Variants in NUP98 observed in about 807,000 individuals in gnomAD.
NUP98 encodes the protein nuclear pore complex protein Nup98-Nup96.
Under a neutral mutation model 191.9 loss-of-function variants are expected in NUP98, and 26 were observed. That is an observed-to-expected ratio of 0.14 (90% CI 0.10 to 0.19). The LOEUF (loss-of-function observed/expected upper bound fraction) is 0.19. NUP98 is among the 10% of genes least tolerant of loss of function. NUP98 has a pLI of 1.00. For missense variants in NUP98, 1,941 were observed against 2,178.8 expected (o/e 0.89, Z 2.17); for synonymous variants, 808 against 778.4 (o/e 1.04, Z -0.63).
At chr11:3,760,112 CAAAAA>C (rs67500611) in intron 10 of NUP98, 32 of 121,336 alleles carry the variant, frequency 2.6e-4, no homozygotes, top group South Asian at 4.4e-4. Flanking sequence ...TGTTCTCCAC[CAAAAA>C]AAAAAAAAAA....
intron 24 of NUP98, among the ~76,000 whole-genome samples, chr11:3,700,056 T>C (rs2078627442): frequency 6.6e-6 from 1 of 151,914 alleles, no homozygotes; most frequent in Non-Finnish European, 1.5e-5. Flanking sequence ...ATGGATAGGA[T>C]TTAGAAAAGC....
chr11:3,751,151 G>A (rs1354041585), intron 11 of NUP98, among the ~76,000 whole-genome samples: 1 of 152,138 alleles, frequency 6.6e-6, no homozygotes, highest in African/African-American at 2.4e-5. Flanking sequence ...CTGAGGTCAG[G>A]GGTTTGAGAC....
At chr11:3,791,546 A>G (rs2082350447) in intron 1 of NUP98, among the ~76,000 whole-genome samples, 1 of 146,094 alleles carries the variant, frequency 6.8e-6, no homozygotes, top group African/African-American at 2.5e-5. Flanking sequence ...AAAAAAAAAA[A>G]AAAAAAAAAA....
chr11:3,784,286 A>G (rs900024527), intron 1 of NUP98, among the ~76,000 whole-genome samples: 1 of 152,212 alleles, frequency 6.6e-6, no homozygotes, highest in African/African-American at 2.4e-5. Context: ...CCTTAAATAA[A>G]TGCTTTACAG....
Position 3,702,675 on chromosome 11 carries a change from T to C in NUP98, c.3300A>G (p.Leu1100=), listed in dbSNP as rs2078745881. ...AGGTGACAGACTTTTCACGAGGGAC[T>C]AGGCCTAGTTGCCTACGTGTACCCA... is the stretch of plus-strand genomic sequence containing the variant. ...KTVGTRRQLG[L]VPREKSVTYG... Residue 1100 remains leucine, a synonymous_variant, in exon 23 of 33, where the codon CTA becomes CTG. Coordinates refer to ENST00000324932, the MANE Select transcript of NUP98 (RefSeq NM_016320.5). 6.2e-7 allele frequency: 1 copy of C among 1,614,076 alleles called. No homozygotes were observed. Among genetic ancestry groups the C allele is most frequent in the East Asian group, 2.2e-5 (1 of 44,900 alleles).
chr11:3,675,076 T>A lies in NUP98; in HGVS notation c.*1083A>T, dbSNP rs908419108. ...GTAGCTTCAGAAAAAGAGGAAAATA[T>A]CTAGATCATTTATTTATACATATAT... On this transcript the variant is annotated 3_prime_UTR_variant, in exon 33 of 33. Coordinates refer to ENST00000324932, the MANE Select transcript of NUP98 (RefSeq NM_016320.5). The A allele has an allele frequency of 5.0e-4, 89 of 177,986 alleles. 1 individual carries two copies. The highest frequency in any genetic ancestry group is 2.0e-3 in the African/African-American group (84 of 42,354). The allele number at this position is 177,986 out of a possible 1,614,324, so 11.0% of individuals were successfully genotyped here. A position where few individuals can be genotyped will look rare whatever the true frequency, so the allele number is the denominator to read the frequency against.
intron 17 of NUP98, among the ~76,000 whole-genome samples, 162 bp from the exon 18 acceptor site, chr11:3,719,712 GAGT>G (rs1373905281): frequency 3.1e-5 from 1 of 31,910 alleles, no homozygotes; most frequent in Non-Finnish European, 6.0e-5. Context: ...GACTTAGGGA[GAGT>G]AACTTCAATT....
intron 18 of NUP98, among the ~76,000 whole-genome samples, chr11:3,719,057 T>A (rs571392329): frequency 6.6e-6 from 1 of 151,376 alleles, no homozygotes; most frequent in Non-Finnish European, 1.5e-5. Flanking sequence ...GAGTCGGAGG[T>A]TGCAGTGAAC....
intron 8 of NUP98, among the ~76,000 whole-genome samples, chr11:3,764,695 C>T (rs748264495): frequency 1.3e-5 from 2 of 152,214 alleles, no homozygotes; most frequent in African/African-American, 2.4e-5. Flanking sequence ...TCTCCTGCCT[C>T]AGCCCCCTGA....
chr11:3,768,592 T>C lies in NUP98; in HGVS notation c.937A>G (p.Thr313Ala), dbSNP rs760587577. The C allele has an allele frequency of 4.4e-6, 7 of 1,591,040 alleles. No homozygotes were observed. The highest frequency in any genetic ancestry group is 6.0e-6 in the Non-Finnish European group (7 of 1,169,634). Reference sequence around the variant, plus strand: ...GTCTGTTTCCTTACCATGGTGTTGGTGCTTGGCTGTCCTATGGTGCTGGTA... The same window carrying C: ...GTCTGTTTCCTTACCATGGTGTTGGCGCTTGGCTGTCCTATGGTGCTGGTA... ...GNTSTIGQPS[T>A]NTMGLFGVTQ... The change falls in exon 8 of 33, where the codon ACC becomes GCC. Residue 313 changes from threonine (T) to alanine (A), a missense_variant. Around this residue, in one of 6 missense-constraint regions of NUP98, gnomAD observed 181 missense variants for 228.0 expected, o/e 0.79. Transcript: ENST00000324932.
chr11:3,698,334 T>C (rs1589979771), intron 25 of NUP98, among the ~76,000 whole-genome samples: 1 of 152,192 alleles, frequency 6.6e-6, no homozygotes. Flanking sequence ...GTGATTTTGA[T>C]TGATAGCTTA....
chr11:3,795,819 T>C (rs1309633325), intron 1 of NUP98, among the ~76,000 whole-genome samples: 1 of 152,170 alleles, frequency 6.6e-6, no homozygotes, highest in Non-Finnish European at 1.5e-5. Flanking sequence ...ACGGAAAACA[T>C]ACCCTGTTCA....
intron 22 of NUP98, among the ~76,000 whole-genome samples, chr11:3,703,112 TACA>T (rs2078760150): frequency 2.0e-5 from 3 of 152,174 alleles, no homozygotes; most frequent in South Asian, 4.1e-4. Context: ...TGATGATATC[TACA>T]ACAATAATAA....
intron 19 of NUP98, 99 bp downstream of exon 19, chr11:3,713,719 A>C: frequency 8.7e-7 from 1 of 1,143,954 alleles, no homozygotes; most frequent in Non-Finnish European, 1.2e-6. Context: ...AACCCCATCA[A>C]TCAATCAATA....
chr11:3,698,922 T>G, intron 25 of NUP98, 160 bp downstream of exon 25: 1 of 760,924 alleles, frequency 1.3e-6, no homozygotes, highest in Non-Finnish European at 2.2e-6. Context: ...TTTTATGTTA[T>G]ATTACATATT....
At chr11:3,760,758 A>G (rs2134506922) in intron 9 of NUP98, 132 bp from the exon 10 acceptor site, 1 of 632,484 alleles carries the variant, frequency 1.6e-6, no homozygotes, top group Non-Finnish European at 2.6e-6. Flanking sequence ...TAAAAAAGGT[A>G]GAAAAAAGAT....
intron 5 of NUP98, among the ~76,000 whole-genome samples, chr11:3,774,688 G>A (rs566755154): frequency 5.9e-5 from 9 of 151,730 alleles, no homozygotes; most frequent in South Asian, 2.1e-4. Context: ...CTGCGCTCCC[G>A]TCTGGCTGAC....
At position 3,762,910 on chromosome 11, in the gene NUP98, C is replaced by G. The variant is rs1332262246; in HGVS notation, c.1078G>C (p.Val360Leu). The change falls in exon 9 of 33, where the codon GTT becomes CTT. Residue 360 changes from valine (V) to leucine (L), a missense_variant. Val to Leu is a conservative substitution (Grantham distance 32). Transcript: ENST00000324932. ...CAACTGCAGAAACCTACCGAACCAA[C>G]AGCACCAAATCCAGTATTGGTCTGC... is the stretch of plus-strand genomic sequence containing the variant. The part of the protein sequence containing the change: ...FGQTNTGFGA[V>L]GSTLFGNNKL... 2 of 1,613,550 alleles carry G rather than the reference C, an allele frequency of 1.2e-6. No individual in the cohort carries two copies. The highest frequency in any genetic ancestry group is 1.7e-6 in the Non-Finnish European group (2 of 1,179,916).
intron 1 of NUP98, among the ~76,000 whole-genome samples, chr11:3,790,468 C>G (rs1243101314): frequency 2.6e-5 from 4 of 152,194 alleles, no homozygotes; most frequent in Non-Finnish European, 4.4e-5. Context: ...AAGTCCCCAA[C>G]ACTTCTTCCA....
Sources: allele counts gnomAD v4.1 joint callset (sites outside exome capture counted in the v4.1 genomes callset), GRCh38; gene constraint gnomAD v4.1.1; regional missense constraint gnomAD v4.1.1; transcripts MANE v1.5; gene names NCBI Gene and HGNC (gene_info 2026-07-23, HGNC 2026-07-21).